Variants in SORBS2 observed in about 807,000 individuals in gnomAD.
The protein encoded by SORBS2 is sorbin and SH3 domain containing 2.
A neutral mutation model predicts 97.7 loss-of-function variants in SORBS2; 46 were observed. The observed-to-expected ratio is 0.47, with a 90% CI of 0.37 to 0.60. The LOEUF is 0.60. Ranked by LOEUF, SORBS2 falls within the 20% of genes least tolerant of loss-of-function variation. The probability of loss-of-function intolerance (pLI) is 0.00; values close to 1 mark genes in which losing one functional copy is unlikely to be tolerated. For missense variants in SORBS2, 1,316 were observed against 1,282.3 expected (o/e 1.03, Z -0.40); for synonymous variants, 476 against 473.4 (o/e 1.01, Z -0.07).
chr4:185,682,252 C>T (rs970463069), intron 2 of SORBS2, among the ~76,000 whole-genome samples: 1 of 152,172 alleles, frequency 6.6e-6, no homozygotes, highest in Admixed American at 6.5e-5. Context: ...CAGGTGGTAT[C>T]GACAAGACCC....
chr4:185,759,225 G>A (rs776837276), intron 2 of SORBS2, among the ~76,000 whole-genome samples: 1 of 152,288 alleles, frequency 6.6e-6, no homozygotes, highest in Admixed American at 6.5e-5. Context: ...ACAGCTTCTC[G>A]CTTAAAGATA....
chr4:185,763,700 T>C (rs965251360), intron 2 of SORBS2, among the ~76,000 whole-genome samples: 5 of 152,208 alleles, frequency 3.3e-5, no homozygotes, highest in Admixed American at 1.3e-4. Context: ...CCTAGAAACA[T>C]AGAAACCATC....
intron 1 of SORBS2, among the ~76,000 whole-genome samples, chr4:185,838,863 G>T (rs2099209780): frequency 6.6e-6 from 1 of 152,166 alleles, no homozygotes; most frequent in South Asian, 2.1e-4. Context: ...AGCCAAGAGG[G>T]TCAGAATCAC....
intron 12 of SORBS2, among the ~76,000 whole-genome samples, chr4:185,603,216 T>C (rs2096309602): frequency 6.6e-6 from 1 of 152,058 alleles, no homozygotes; most frequent in Non-Finnish European, 1.5e-5. Context: ...CTTTCCCTCT[T>C]ATTGACTAAG....
chr4:185,947,428 C>A (rs1366684233), intron 1 of SORBS2, among the ~76,000 whole-genome samples: 1 of 151,960 alleles, frequency 6.6e-6, no homozygotes. Flanking sequence ...TTTTTTCTAG[C>A]CCAAACCATC....
chr4:185,886,933 T>C (rs1301585274), intron 1 of SORBS2, among the ~76,000 whole-genome samples: 1 of 152,150 alleles, frequency 6.6e-6, no homozygotes, highest in African/African-American at 2.4e-5. Flanking sequence ...GAGAAACAGA[T>C]TTCAGCTCAG....
chr4:185,908,301 A>T (rs1455266782), intron 1 of SORBS2, among the ~76,000 whole-genome samples: 1 of 104,082 alleles, frequency 9.6e-6, no homozygotes, highest in Admixed American at 9.6e-5. Flanking sequence ...ATATATATAT[A>T]TATATATATA....
At chr4:185,712,444 C>T (rs1354889265) in intron 2 of SORBS2, among the ~76,000 whole-genome samples, 1 of 152,248 alleles carries the variant, frequency 6.6e-6, no homozygotes, top group African/African-American at 2.4e-5. Flanking sequence ...GTTTGTGCAA[C>T]CTCATTTTTC....
intron 1 of SORBS2, among the ~76,000 whole-genome samples, chr4:185,803,086 G>A (rs2099138112): frequency 6.6e-6 from 1 of 152,144 alleles, no homozygotes; most frequent in Non-Finnish European, 1.5e-5. Flanking sequence ...GAGGGCCAGA[G>A]TCCTTCTGGG....
chr4:185,769,231 T>C (rs1219429152), intron 2 of SORBS2, among the ~76,000 whole-genome samples: 1 of 152,204 alleles, frequency 6.6e-6, no homozygotes, highest in Non-Finnish European at 1.5e-5. Context: ...CAGATCCAAA[T>C]GTGAAATTCG....
chr4:185,923,251 G>A (rs779016393), intron 1 of SORBS2, among the ~76,000 whole-genome samples: 3 of 152,046 alleles, frequency 2.0e-5, no homozygotes, highest in Non-Finnish European at 4.4e-5. Context: ...GGAAAAGTAC[G>A]CCCTGCCTCC....
At chr4:185,615,228 C>T (rs1340767077) in intron 9 of SORBS2, 69 bp from the exon 22 acceptor site, 22 of 909,122 alleles carry the variant, frequency 2.4e-5, no homozygotes, top group Non-Finnish European at 7.4e-6. Context: ...AACACCCTCG[C>T]TAGATCTGCA....
At chr4:185,924,733 GACTCCT>G (rs1400090935) in intron 1 of SORBS2, among the ~76,000 whole-genome samples, 2 of 152,164 alleles carry the variant, frequency 1.3e-5, no homozygotes, top group African/African-American at 4.8e-5. Flanking sequence ...GCCTCCTCCA[GACTCCT>G]CATATAAGCA....
intron 2 of SORBS2, among the ~76,000 whole-genome samples, chr4:185,748,610 T>TA (rs2098779281): frequency 6.6e-6 from 1 of 152,204 alleles, no homozygotes; most frequent in African/African-American, 2.4e-5. Context: ...GATGGTGTGT[T>TA]ACGGATTTTG....
In SORBS2 at chr4:185,652,737, AAG is replaced by A; in HGVS notation, c.25-11_25-10del. The A allele has an allele frequency of 6.2e-7, 1 of 1,611,970 alleles. No homozygotes were observed. Among genetic ancestry groups the A allele is most frequent in the South Asian group, 1.1e-5 (1 of 90,982 alleles). On this transcript the variant is annotated splice_polypyrimidine_tract_variant and intron_variant, in intron 1 of 14. Coordinates refer to ENST00000418609, the Ensembl canonical transcript of SORBS2. Reference sequence around the variant, plus strand: ...TTGGGCCGGTCGACTGTCTGTAATGAAGAGAGCGTCCAATGGTTACAAACTGG... The same window carrying A: ...TTGGGCCGGTCGACTGTCTGTAATGAAGAGCGTCCAATGGTTACAAACTGG...
chr4:185,636,021 G>C (rs1395674032), intron 4 of SORBS2, among the ~76,000 whole-genome samples: 1 of 151,968 alleles, frequency 6.6e-6, no homozygotes, highest in Non-Finnish European at 1.5e-5. Flanking sequence ...ACCATGCCCA[G>C]CTAATTTTTG....
chr4:185,687,470 T>C lies in SORBS2; in HGVS notation c.-197-8648A>G, dbSNP rs545474769. 3.9e-5 allele frequency among the ~76,000 whole-genome samples: 6 copies of C among 152,392 alleles called. No homozygotes were observed. The South Asian group carries it at 1.2e-3, about 32-fold the overall frequency. ...GTTATAAAGAAAGAAATAAAACTAT[T>C]TTCTTTCAATTTATGTGTACTGTTC... On this transcript the variant is annotated intron_variant, in intron 2 of 20. Coordinates refer to the SORBS2 transcript ENST00000284776.
intron 1 of SORBS2, among the ~76,000 whole-genome samples, chr4:185,827,002 C>A (rs1247803257): frequency 7.6e-6 from 1 of 131,296 alleles, no homozygotes; most frequent in East Asian, 2.2e-4. Context: ...GTACCCCACC[C>A]CTGACTACGT....
intron 4 of SORBS2, among the ~76,000 whole-genome samples, chr4:185,631,460 G>A (rs758539127): frequency 2.6e-5 from 4 of 152,200 alleles, no homozygotes; most frequent in Non-Finnish European, 5.9e-5. Flanking sequence ...GTGGTATGAT[G>A]TCCAGAAAGC....
Sources: gnomAD v4.1 joint callset for allele counts (sites outside exome capture counted in the v4.1 genomes callset) on GRCh38, gnomAD v4.1.1 for gene constraint, MANE v1.5 for transcripts, NCBI Gene and HGNC (gene_info 2026-07-23, HGNC 2026-07-21) for gene names.